CIMIP2B: variants seen among roughly 807,000 people sequenced by gnomAD.
CIMIP2B encodes ciliary microtubule inner protein 2B, also known as family with sequence similarity 166 member B.
At chr9:35,563,816 T>G in the CIMIP2B span, 1 of 1,614,036 alleles carries the variant, frequency 6.2e-7, no homozygotes, top group Admixed American at 1.7e-5. Context: ...ATGAAGGTGC[T>G]GGCCACAGCC....
At chr9:35,563,827 A>ACCTG in the CIMIP2B span, 1 of 1,613,960 alleles carries the variant, frequency 6.2e-7, no homozygotes, top group East Asian at 2.2e-5. Context: ...GGCCACAGCC[A>ACCTG]TGGGGAGCCG....
the CIMIP2B span, chr9:35,562,976 C>T: frequency 1.9e-6 from 3 of 1,614,010 alleles, no homozygotes; most frequent in Admixed American, 5.0e-5. Flanking sequence ...TTTGGTAGCT[C>T]TTCACTCCCT....
At chr9:35,562,045 G>A in the CIMIP2B span, 8 of 1,535,396 alleles carry the variant, frequency 5.2e-6, no homozygotes, top group East Asian at 2.0e-4. Flanking sequence ...CTGAGGCCCA[G>A]AGCATCATGG....
At chr9:35,563,765 A>G in the CIMIP2B span, 1 of 1,613,378 alleles carries the variant, frequency 6.2e-7, no homozygotes, top group Non-Finnish European at 8.5e-7. Context: ...TGGGAGTCTT[A>G]CCCTGGGATA....
the CIMIP2B span, chr9:35,562,774 G>A: frequency 3.5e-5 from 57 of 1,609,230 alleles, no homozygotes; most frequent in Non-Finnish European, 4.6e-5. Flanking sequence ...CACATCCCCT[G>A]AACCCACAGC....
At chr9:35,562,940 C>CT in the CIMIP2B span, 28 of 1,613,912 alleles carry the variant, frequency 1.7e-5, no homozygotes, top group Non-Finnish European at 2.2e-5. Flanking sequence ...TGGTCCTTCT[C>CT]TGTGTCCTTT....
At chr9:35,562,162 G>A in the CIMIP2B span, 10 of 1,277,470 alleles carry the variant, frequency 7.8e-6, no homozygotes, top group African/African-American at 1.3e-4. Context: ...TTCTCAGCCA[G>A]TTGGCTAGAC....
chr9:35,562,112 GTC>G, the CIMIP2B span: 1 of 1,509,844 alleles, frequency 6.6e-7, no homozygotes, highest in South Asian at 1.2e-5. Flanking sequence ...GGCCAAGAGA[GTC>G]TGTCACATGT....
chr9:35,563,847 T>C, the CIMIP2B span: 5 of 1,612,852 alleles, frequency 3.1e-6, no homozygotes, highest in Non-Finnish European at 4.2e-6. Context: ...GGGCATTTCC[T>C]TTTGTTTGCC....
chr9:35,562,281 A>G, the CIMIP2B span: 15 of 1,119,700 alleles, frequency 1.3e-5, no homozygotes, highest in Admixed American at 3.2e-4. Context: ...GAGCCCTCCC[A>G]TATCTATTAG....
At chr9:35,562,918 G>C in the CIMIP2B span, 1 of 1,613,856 alleles carries the variant, frequency 6.2e-7, no homozygotes, top group Non-Finnish European at 8.5e-7. Flanking sequence ...CTGCCCCTCC[G>C]GCTCTGGCAC....
the CIMIP2B span, chr9:35,562,740 GGAGGT>G: frequency 9.3e-6 from 15 of 1,612,958 alleles, no homozygotes; most frequent in Non-Finnish European, 1.3e-5. Flanking sequence ...AATCTCCCAA[GGAGGT>G]GGAGCTGACA....
chr9:35,563,259 GAAT>G, the CIMIP2B span: 1 of 1,614,008 alleles, frequency 6.2e-7, no homozygotes. Flanking sequence ...CTTGGAGGCC[GAAT>G]GGGAGGCAGA....
At chr9:35,562,323 C>T in the CIMIP2B span, 2 of 1,348,274 alleles carry the variant, frequency 1.5e-6, no homozygotes, top group Non-Finnish European at 2.0e-6. Context: ...CAACCCACCC[C>T]ATACCCATAC....
the CIMIP2B span, chr9:35,562,091 A>G: frequency 6.5e-7 from 1 of 1,532,374 alleles, no homozygotes; most frequent in African/African-American, 1.4e-5. Flanking sequence ...ACTGGAACTT[A>G]TACCCTGTGT....
the CIMIP2B span, chr9:35,563,231 C>T: frequency 6.2e-7 from 1 of 1,614,020 alleles, no homozygotes; most frequent in African/African-American, 1.3e-5. Flanking sequence ...TAGACTCTCC[C>T]TGGGAACCTC....
At chr9:35,562,655 TGAA>T in the CIMIP2B span, 3 of 1,613,536 alleles carry the variant, frequency 1.9e-6, no homozygotes, top group Non-Finnish European at 2.5e-6. Flanking sequence ...TCACCTGACA[TGAA>T]GAACTTCCGA....
chr9:35,563,118 G>A, the CIMIP2B span: 5 of 1,613,284 alleles, frequency 3.1e-6, no homozygotes, highest in Non-Finnish European at 4.2e-6. Context: ...GTTAGTGTTT[G>A]GAACACATGC....
At chr9:35,563,731 C>T in the CIMIP2B span, 2 of 1,596,724 alleles carry the variant, frequency 1.3e-6, no homozygotes, top group Non-Finnish European at 1.7e-6. Context: ...CCCCTACTCC[C>T]AGCAGCAAGC....
Sources: gnomAD v4.1 joint callset for allele counts on GRCh38, gnomAD v4.1.1 for gene constraint, MANE v1.5 for transcripts, NCBI Gene and HGNC (gene_info 2026-07-23, HGNC 2026-07-21) for gene names.